Variants in SOX5 observed in about 807,000 individuals in gnomAD.
SOX5 encodes the protein SRY-box transcription factor 5, also known as transcription factor SOX-5.
A neutral mutation model predicts 92.0 loss-of-function variants in SOX5; 9 were observed. That is an observed-to-expected ratio of 0.10 (90% CI 0.06 to 0.17). The LOEUF is 0.17. Among genes scored for constraint, SOX5 ranks in the 10% least tolerant of loss-of-function variants. The probability of loss-of-function intolerance (pLI) is 1.00; values close to 1 mark genes in which losing one functional copy is unlikely to be tolerated. For missense variants in SOX5, 642 were observed against 944.5 expected, an observed-to-expected ratio of 0.68 and a Z score of 4.20; for synonymous variants, 344 against 336.3, an observed-to-expected ratio of 1.02 and a Z score of -0.25.
chr12:23,550,765 C>G (rs756946009), intron 11 of SOX5, among the ~76,000 whole-genome samples: 1 of 151,698 alleles, frequency 6.6e-6, no homozygotes, highest in Non-Finnish European at 1.5e-5. Flanking sequence ...TTTCCCTGCT[C>G]CATTATTTTG....
intron 7 of SOX5, among the ~76,000 whole-genome samples, chr12:23,657,481 T>A (rs924758905): frequency 6.6e-6 from 1 of 152,180 alleles, no homozygotes; most frequent in Non-Finnish European, 1.5e-5. Flanking sequence ...ATATTTTTCT[T>A]CTTCCATACT....
chr12:23,991,787 C>G (rs936845027), intron 4 of SOX5, among the ~76,000 whole-genome samples: 3 of 149,678 alleles, frequency 2.0e-5, no homozygotes, highest in Non-Finnish European at 4.4e-5. Flanking sequence ...TTATGCAGTA[C>G]GAGTACTGAA....
At chr12:23,637,671 A>G (rs2079445833) in intron 8 of SOX5, among the ~76,000 whole-genome samples, 1 of 152,174 alleles carries the variant, frequency 6.6e-6, no homozygotes, top group Non-Finnish European at 1.5e-5. Context: ...CAAAAACTGG[A>G]GAAGGCAGAA....
rs141719859 is a variant in SOX5 at position 23,796,049 on chromosome 12, T to C, written c.482-40325A>G. Among the ~76,000 whole-genome samples, 403 of 152,208 alleles carry C rather than the reference T, an allele frequency of 2.6e-3. 2 individuals carry two copies. The highest frequency in any genetic ancestry group is 0.016 in the East Asian group (85 of 5,182). On this transcript the variant is annotated intron_variant, in intron 3 of 14. Transcript: ENST00000451604. ...CACATAAAGGGGAGTCTAGAAAACC[T>C]CTAACTGTTACTTATTGATACCCAA...
At chr12:24,263,627 G>A (rs1942584799) in intron 3 of SOX5, among the ~76,000 whole-genome samples, 1 of 150,374 alleles carries the variant, frequency 6.7e-6, no homozygotes, top group Non-Finnish European at 1.5e-5. Context: ...TGTACATTTT[G>A]AGCACTTTGT....
At chr12:24,233,191 G>A (rs368148075) in intron 3 of SOX5, among the ~76,000 whole-genome samples, 1 of 152,060 alleles carries the variant, frequency 6.6e-6, no homozygotes, top group Non-Finnish European at 1.5e-5. Context: ...CAAACGAAAT[G>A]AGAAAATGGA....
chr12:24,099,403 A>T (rs532176652), intron 4 of SOX5, among the ~76,000 whole-genome samples: 1 of 152,286 alleles, frequency 6.6e-6, no homozygotes, highest in Non-Finnish European at 1.5e-5. Flanking sequence ...AATCCAAACT[A>T]AAGCTTCAGC....
intron 1 of SOX5, among the ~76,000 whole-genome samples, chr12:24,465,055 T>C (rs1213365937): frequency 1.3e-5 from 2 of 152,222 alleles, no homozygotes. Flanking sequence ...TGATGTTATC[T>C]ACCATTGAGT....
intron 4 of SOX5, among the ~76,000 whole-genome samples, chr12:23,960,716 A>C (rs545616538): frequency 1.2e-4 from 18 of 151,694 alleles, no homozygotes; most frequent in African/African-American, 4.3e-4. Flanking sequence ...TAAGCGAAAA[A>C]AACAAGGTAG....
At chr12:24,198,097 C>T (rs1957176454) in intron 4 of SOX5, among the ~76,000 whole-genome samples, 1 of 152,164 alleles carries the variant, frequency 6.6e-6, no homozygotes, top group South Asian at 2.1e-4. Context: ...TATTATTAAT[C>T]TTATTGTGCT....
intron 3 of SOX5, among the ~76,000 whole-genome samples, chr12:23,807,243 T>C (rs7968921): frequency 0.67 from 102,477 of 152,068 alleles, 35,384 homozygotes; most frequent in East Asian, 0.85. Flanking sequence ...TATGGTTCGA[T>C]CTGTGTCCCT....
intron 2 of SOX5, among the ~76,000 whole-genome samples, chr12:24,365,705 A>C (rs1956103640): frequency 8.7e-6 from 1 of 114,356 alleles, no homozygotes; most frequent in Non-Finnish European, 2.0e-5. Context: ...ACTGAAGTTG[A>C]AGAGATCTGG....
chr12:23,739,883 T>C (rs2093734024), intron 5 of SOX5, among the ~76,000 whole-genome samples: 1 of 152,214 alleles, frequency 6.6e-6, no homozygotes, highest in Non-Finnish European at 1.5e-5. Flanking sequence ...TTTTTTCAAA[T>C]TATTTATCAC....
At chr12:23,563,490 A>G in intron 10 of SOX5, 87 bp from the exon 11 acceptor site, 1 of 1,150,238 alleles carries the variant, frequency 8.7e-7, no homozygotes, top group Non-Finnish European at 1.3e-6. Flanking sequence ...TTTCTTGGTA[A>G]TAGGTAGTGT....
rs146232501 is a variant in SOX5, at chr12:24,319,107, G to C, written c.-173-41795C>G. Among the ~76,000 whole-genome samples, 438 of 152,142 alleles carry C rather than the reference G, an allele frequency of 2.9e-3. 3 individuals are homozygous for C. The highest frequency in any genetic ancestry group is 0.01 in the African/African-American group (422 of 41,504). On this transcript the variant is annotated intron_variant, in intron 2 of 4. Coordinates refer to the SOX5 transcript ENST00000446891. ...AAGAGGTGCTCTTCTTCTGTGCTGG[G>C]ATCATCCCTCTGCCTGGCTCTAGAT...
intron 1 of SOX5, among the ~76,000 whole-genome samples, chr12:24,473,480 G>C (rs1945024518): frequency 6.6e-6 from 1 of 152,180 alleles, no homozygotes; most frequent in Admixed American, 6.5e-5. Flanking sequence ...CCCAACAATA[G>C]AATTTAAGTT....
At chr12:24,506,179 T>G (rs1415635213) in intron 1 of SOX5, among the ~76,000 whole-genome samples, 1 of 152,152 alleles carries the variant, frequency 6.6e-6, no homozygotes. Flanking sequence ...TACATGACAA[T>G]AGTTACATTT....
intron 1 of SOX5, among the ~76,000 whole-genome samples, chr12:24,477,573 GAC>G (rs913268391): frequency 6.6e-6 from 1 of 152,078 alleles, no homozygotes; most frequent in Non-Finnish European, 1.5e-5. Flanking sequence ...AGGTATGAGA[GAC>G]ACATTGAAAA....
chr12:24,424,794 G>GTA (rs1966460251), intron 1 of SOX5, among the ~76,000 whole-genome samples: 2 of 127,848 alleles, frequency 1.6e-5, no homozygotes, highest in African/African-American at 6.0e-5. Flanking sequence ...TCTTTTCTTT[G>GTA]TGAGTTTTTT....
Sources: gnomAD v4.1 joint callset for allele counts (sites outside exome capture counted in the v4.1 genomes callset) on GRCh38, gnomAD v4.1.1 for gene constraint, MANE v1.5 for transcripts, NCBI Gene and HGNC (gene_info 2026-07-23, HGNC 2026-07-21) for gene names.